Variants in GABBR2 observed in about 807,000 individuals in gnomAD.
GABBR2 encodes the protein gamma-aminobutyric acid type B receptor subunit 2.
Under a neutral mutation model 105.6 loss-of-function variants are expected in GABBR2, and 23 were observed. That is an observed-to-expected ratio of 0.22 (90% CI 0.16 to 0.31). The LOEUF (loss-of-function observed/expected upper bound fraction) is 0.31, where lower values mean the gene tolerates loss of function less well. Among genes scored for constraint, GABBR2 ranks in the 10% least tolerant of loss-of-function variants. GABBR2 has a pLI of 1.00. For synonymous variants in GABBR2, 478 were observed against 499.7 expected (o/e 0.96, Z 0.58); for missense variants, 734 against 1,245.5 (o/e 0.59, Z 6.18).
At chr9:98,533,836 G>C (rs1828117916) in intron 3 of GABBR2, among the ~76,000 whole-genome samples, 1 of 152,178 alleles carries the variant, frequency 6.6e-6, no homozygotes, top group Non-Finnish European at 1.5e-5. Context: ...CTGGACCAAA[G>C]GGGCAAAGGA....
At chr9:98,680,929 T>C (rs1434413307) in intron 1 of GABBR2, among the ~76,000 whole-genome samples, 1 of 152,172 alleles carries the variant, frequency 6.6e-6, no homozygotes, top group African/African-American at 2.4e-5. Flanking sequence ...GAAATATGTA[T>C]CATTAGAAGT....
chr9:98,489,248 T>C (rs918195705), intron 4 of GABBR2, among the ~76,000 whole-genome samples: 1 of 151,916 alleles, frequency 6.6e-6, no homozygotes, highest in Admixed American at 6.6e-5. Flanking sequence ...ACAAAGGGAG[T>C]GCTTAAAAGT....
chr9:98,600,791 C>T (rs1468402282), intron 1 of GABBR2, among the ~76,000 whole-genome samples: 3 of 152,348 alleles, frequency 2.0e-5, no homozygotes, highest in Admixed American at 6.5e-5. Flanking sequence ...TCCACGGAAC[C>T]GTGCCAGCCT....
chr9:98,554,848 G>A (rs1286007509), intron 2 of GABBR2, among the ~76,000 whole-genome samples: 1 of 152,172 alleles, frequency 6.6e-6, no homozygotes, highest in Non-Finnish European at 1.5e-5. Flanking sequence ...AAAAATGGGA[G>A]TAAATTAGAG....
chr9:98,533,618 T>A (rs939061501), intron 3 of GABBR2, among the ~76,000 whole-genome samples: 8 of 152,286 alleles, frequency 5.3e-5, no homozygotes, highest in African/African-American at 1.7e-4. Flanking sequence ...CTCTCATTCA[T>A]CATCTCATCT....
intron 6 of GABBR2, among the ~76,000 whole-genome samples, chr9:98,471,242 T>C (rs1210016792): frequency 6.6e-6 from 1 of 152,154 alleles, no homozygotes; most frequent in East Asian, 1.9e-4. Flanking sequence ...CGGACAGGGA[T>C]TGGGTCTCCT....
chr9:98,639,343 G>A (rs1157225369), intron 1 of GABBR2, among the ~76,000 whole-genome samples: 3 of 152,288 alleles, frequency 2.0e-5, no homozygotes, highest in Admixed American at 2.0e-4. Flanking sequence ...TCCATTGTGT[G>A]TGCTACCATC....
intron 1 of GABBR2, among the ~76,000 whole-genome samples, chr9:98,679,341 G>A (rs1830511986): frequency 6.6e-6 from 1 of 152,344 alleles, no homozygotes; most frequent in South Asian, 2.1e-4. Flanking sequence ...TAAGGCAGCT[G>A]ACTAGGAAAG....
intron 13 of GABBR2, among the ~76,000 whole-genome samples, chr9:98,316,326 A>G (rs948810904): frequency 6.6e-6 from 1 of 151,956 alleles, no homozygotes; most frequent in Admixed American, 6.6e-5. Context: ...TAATTTTTGT[A>G]TTTTTATTAG....
chr9:98,472,965 A>G (rs1429527169), intron 6 of GABBR2, among the ~76,000 whole-genome samples, 181 bp downstream of exon 6: 3 of 152,112 alleles, frequency 2.0e-5, no homozygotes, highest in African/African-American at 7.2e-5. Context: ...ACAGTTGCCT[A>G]GAGAGGTAAG....
chr9:98,478,821 G>A (rs1826849959), intron 5 of GABBR2, among the ~76,000 whole-genome samples: 2 of 152,184 alleles, frequency 1.3e-5, no homozygotes, highest in Admixed American at 1.3e-4. Flanking sequence ...AGGGTCTGGT[G>A]TGGCATCTTC....
chr9:98,419,262 G>A (rs938331688), intron 7 of GABBR2, among the ~76,000 whole-genome samples: 7 of 152,200 alleles, frequency 4.6e-5, no homozygotes, highest in Non-Finnish European at 1.0e-4. Flanking sequence ...CTGCTGGGAG[G>A]TGGGGCTCCT....
intron 6 of GABBR2, 75 bp downstream of exon 6, chr9:98,473,071 T>A: frequency 2.7e-6 from 3 of 1,122,982 alleles, no homozygotes; most frequent in Non-Finnish European, 4.0e-6. Flanking sequence ...AAATGTGCTC[T>A]TTTGGCCAAT....
chr9:98,475,003 C>G (rs1826759960), intron 5 of GABBR2, among the ~76,000 whole-genome samples: 1 of 152,032 alleles, frequency 6.6e-6, no homozygotes, highest in Non-Finnish European at 1.5e-5. Flanking sequence ...TCTGTGGTCT[C>G]CATCCATTGG....
intron 1 of GABBR2, among the ~76,000 whole-genome samples, chr9:98,594,812 A>G (rs1299521826): frequency 6.6e-6 from 1 of 152,230 alleles, no homozygotes; most frequent in African/African-American, 2.4e-5. Context: ...GGAAGCCCTA[A>G]CCATGGCACT....
chr9:98,554,207 G>C (rs1828541521), intron 2 of GABBR2, among the ~76,000 whole-genome samples: 1 of 151,912 alleles, frequency 6.6e-6, no homozygotes, highest in Non-Finnish European at 1.5e-5. Flanking sequence ...TAAAAGAAGA[G>C]AGAATTAGCC....
chr9:98,364,342 A>T (rs1275903887), intron 12 of GABBR2, among the ~76,000 whole-genome samples: 1 of 152,210 alleles, frequency 6.6e-6, no homozygotes, highest in African/African-American at 2.4e-5. Flanking sequence ...GATGCTGAAC[A>T]TGGGGCTGTT....
chr9:98,461,555 C>T (rs558284144), intron 6 of GABBR2, among the ~76,000 whole-genome samples: 3 of 152,188 alleles, frequency 2.0e-5, no homozygotes, highest in African/African-American at 7.2e-5. Context: ...TCAGACCATA[C>T]ATAAAATTAA....
At chr9:98,291,337 TTACTAAG>T (rs1830300145) in intron 18 of GABBR2, among the ~76,000 whole-genome samples, 2 of 152,198 alleles carry the variant, frequency 1.3e-5, no homozygotes, top group Non-Finnish European at 1.5e-5. Flanking sequence ...ACTGTCTGTA[TTACTAAG>T]GACAAAGCTT....
Sources: gnomAD v4.1 joint callset for allele counts (sites outside exome capture counted in the v4.1 genomes callset) on GRCh38, gnomAD v4.1.1 for gene constraint, MANE v1.5 for transcripts, NCBI Gene and HGNC (gene_info 2026-07-23, HGNC 2026-07-21) for gene names.